Variants in TTN observed in about 807,000 individuals in gnomAD.
TTN encodes connectin.
TTN carries 1,525 observed loss-of-function variants against 3,223.0 expected under a neutral mutation model. The observed-to-expected ratio is 0.47, with a 90% CI of 0.45 to 0.49. The LOEUF is 0.49. Among genes scored for constraint, TTN ranks in the 20% least tolerant of loss-of-function variants. The pLI, the probability that TTN is intolerant of heterozygous loss-of-function variation, is 0.00. For synonymous variants in TTN, 14,094 were observed against 15,161.0 expected (o/e 0.93, Z 5.17); for missense variants, 40,786 against 43,424.0 (o/e 0.94, Z 5.40).
Position 178,739,262 on chromosome 2 carries a change from A to T in TTN, c.13971T>A (p.Asn4657Lys). 6.2e-7 allele frequency: 1 copy of T among 1,610,022 alleles called. No individual in the cohort carries two copies. Among genetic ancestry groups the T allele is most frequent in the Non-Finnish European group, 8.5e-7 (1 of 1,177,068 alleles). The change falls in exon 48 of 363, where the codon AAT (asparagine) becomes AAA (lysine). Residue 4657 changes from asparagine (N) to lysine (K), a missense_variant. Physicochemically the swap from Asn to Lys is moderately conservative, Grantham distance 94 (BLOSUM62 0). Coordinates refer to ENST00000589042, the MANE Select transcript of TTN (RefSeq NM_001267550.2). ...CTTTGTCGATGACTAGCGTATATGTATTTTGATCTTGTAAACACTTGAACT... is the reference window on the plus strand; with the variant it reads ...CTTTGTCGATGACTAGCGTATATGTTTTTTGATCTTGTAAACACTTGAACT... Reference protein sequence around the residue: ...DEKFKCLQDQNTYTLVIDKVN... With the variant: ...DEKFKCLQDQKTYTLVIDKVN...
intron 3 of TTN, among the ~76,000 whole-genome samples, chr2:178,801,108 C>T (rs532913838): frequency 6.6e-6 from 1 of 152,272 alleles, no homozygotes; most frequent in East Asian, 1.9e-4. Flanking sequence ...ATGGGTGTAC[C>T]TGTTACTTAA....
intron 43 of TTN, among the ~76,000 whole-genome samples, chr2:178,762,052 G>A (rs1240598164): frequency 6.6e-6 from 1 of 152,114 alleles, no homozygotes; most frequent in Non-Finnish European, 1.5e-5. Flanking sequence ...TCAGGGCCAC[G>A]TTTCATGCTT....
In TTN at chr2:178,552,940, C is replaced by T; in HGVS notation, c.89960G>A (p.Cys29987Tyr). The T allele has an allele frequency of 6.2e-7, 1 of 1,613,552 alleles. No individual in the cohort carries two copies. The highest frequency in any genetic ancestry group is 8.5e-7 in the Non-Finnish European group (1 of 1,179,784). ...TATTAGCTTGAAGGATGTGCTAGAACATTTGTGTGACACGACAGACCATGT... is the reference window on the plus strand; with the variant it reads ...TATTAGCTTGAAGGATGTGCTAGAATATTTGTGTGACACGACAGACCATGT... Reference protein sequence around the residue: ...KRTWSVVSHKCSSTSFKLIDL... With the variant: ...KRTWSVVSHKYSSTSFKLIDL... The change falls in exon 335 of 363, where the codon TGT becomes TAT. Residue 29987 changes from cysteine to tyrosine, a missense_variant. By Grantham distance (194) the Cys-to-Tyr change is radical (BLOSUM62 -2). Transcript: ENST00000589042.
chr2:178,603,883 A>G lies in TTN; in HGVS notation c.54804T>C (p.Asp18268=). The G allele has an allele frequency of 6.3e-7, 1 of 1,582,412 alleles. No individual in the cohort carries two copies. Among genetic ancestry groups the G allele is most frequent in the South Asian group, 1.1e-5 (1 of 87,150 alleles). Residue 18268 remains aspartate (D), a synonymous_variant, in exon 282 of 363, where the codon GAT becomes GAC. Transcript: ENST00000589042. ...SEPSDPEVAG[D]PIFPPGPPSC... ...AAACGGAAGCATACTTACATATGGG[A>G]TCTCCTGCAACCTCTGGATCTGATG...
chr2:178,757,229 A>ACTGTACTTACTTT (rs1398848581), intron 45 of TTN, among the ~76,000 whole-genome samples: 146 of 149,588 alleles, frequency 9.8e-4, no homozygotes, highest in East Asian at 2.6e-3. Context: ...AGTAAGTAAT[A>ACTGTACTTACTTT]ATCAGCAAAT....
chr2:178,755,165 T>C (rs2086576974), intron 46 of TTN, among the ~76,000 whole-genome samples: 1 of 152,078 alleles, frequency 6.6e-6, no homozygotes, highest in African/African-American at 2.4e-5. Flanking sequence ...CTGAAAAATA[T>C]TTTTCTCATT....
rs1314251790 is a variant in TTN at position 178,731,811 on chromosome 2, C to G, written c.17064G>C (p.Gln5688His). ...GGATCTGCAGGCTAACCAGATGATC[C>G]TGAATGAAAGTCTTATACTTTCTAC... ...RSGRKYKTFI[Q>H]DHLVSLQILK... The change falls in exon 58 of 363, where the codon CAG becomes CAC. Residue 5688 changes from glutamine (Q) to histidine (H), a missense_variant. By Grantham distance (24) the Gln-to-His change is conservative (BLOSUM62 0). Transcript: ENST00000589042. 1.2e-6 allele frequency: 2 copies of G among 1,613,756 alleles called. No individual in the cohort carries two copies. Among genetic ancestry groups the G allele is most frequent in the Non-Finnish European group, 1.7e-6 (2 of 1,179,742 alleles).
At position 178,584,754 on chromosome 2, in the gene TTN, C is replaced by G. The variant is rs779232091; in HGVS notation, c.64887G>C (p.Glu21629Asp). ...TTTCAGCACGGACCCGGAAGATGTA[C>G]TCCTGGCCTGGGATCAGCTTTCCAA... ...CRVGKLIPGQ[E>D]YIFRVRAENR... The change falls in exon 310 of 363, where the codon GAG (glutamate) becomes GAC (aspartate). Residue 21629 changes from glutamate to aspartate, a missense_variant. Transcript: ENST00000589042. 1.9e-6 allele frequency: 3 copies of G among 1,613,376 alleles called. No homozygotes were observed. Among genetic ancestry groups the G allele is most frequent in the African/African-American group, 1.3e-5 (1 of 74,898 alleles).
chr2:178,713,702 T>A, intron 92 of TTN, 195 bp downstream of exon 92: 1 of 841,698 alleles, frequency 1.2e-6, no homozygotes, highest in South Asian at 2.2e-5. Flanking sequence ...TGGAAATTCC[T>A]CAAAAAGAAA....
In TTN at chr2:178,602,606, A is replaced by G; in HGVS notation, c.54812-16T>C. ...CCCGGTGGAACTAATAACAAAAGAAAAAAAAAAGCTTCATCAGATTTTGAA... is the reference window on the plus strand; with the variant it reads ...CCCGGTGGAACTAATAACAAAAGAAGAAAAAAAGCTTCATCAGATTTTGAA... On this transcript the variant is annotated splice_polypyrimidine_tract_variant and intron_variant, in intron 282 of 362. Transcript: ENST00000589042. The G allele has an allele frequency of 1.4e-6, 2 of 1,466,966 alleles. No homozygotes were observed. Among genetic ancestry groups the G allele is most frequent in the South Asian group, 1.5e-5 (1 of 67,800 alleles). 90.9% of individuals were successfully genotyped at this position (1,466,966 alleles called of 1,614,324 possible).
Position 178,677,625 on chromosome 2 carries a change from T to A in TTN, c.34287A>T (p.Ala11429=). The A allele has an allele frequency of 6.2e-7, 1 of 1,610,078 alleles. No individual in the cohort carries two copies. The stretch of plus-strand genomic sequence containing the variant: ...TTCCAAGAAGAGCTGCTATACCTGG[T>A]GCAGGTACTGGCACCTTAGGTTTAA... ...PEVKPKVPVP[A]PVPEVPKKPV... Residue 11429 remains alanine (A), a synonymous_variant, in exon 146 of 363, where the codon GCA becomes GCT. Transcript: ENST00000589042.
In TTN at chr2:178,601,728, T is replaced by C. The variant is rs751081323; in HGVS notation, c.55362A>G (p.Thr18454=). Residue 18454 remains threonine, a synonymous_variant, in exon 286 of 363, where the codon ACA becomes ACG. Transcript: ENST00000589042. ...IIIPECKRSH[T]GKYSITAKNK... ...TCTTGGCTGTGATGCTGTATTTGCC[T>C]GTATGAGATCGTTTACACTCCGGAA... 5 of 1,610,210 alleles carry C rather than the reference T, an allele frequency of 3.1e-6. No homozygotes were observed. Among genetic ancestry groups the C allele is most frequent in the Non-Finnish European group, 4.2e-6 (5 of 1,178,662 alleles).
Position 178,617,363 on chromosome 2 carries a change from G to T in TTN, c.47722C>A (p.Arg15908Ser), listed in dbSNP as rs767724702. The T allele has an allele frequency of 5.7e-6, 9 of 1,583,520 alleles. No homozygotes were observed. Among genetic ancestry groups the T allele is most frequent in the African/African-American group, 1.4e-5 (1 of 73,364 alleles). ...TCAGGGACAAGTTTCATATTGCAAC[G>T]AATCCAATTATCTTTTCCTTCTTCG... ...RCEEGKDNWI[R>S]CNMKLVPELT... The change falls in exon 254 of 363, where the codon CGT (arginine) becomes AGT (serine). Residue 15908 changes from arginine (R) to serine (S), a missense_variant. Transcript: ENST00000589042.
At chr2:178,583,432 C>T (rs2048229712) in intron 312 of TTN, 175 bp downstream of exon 312, 1 of 853,638 alleles carries the variant, frequency 1.2e-6, no homozygotes, top group Non-Finnish European at 1.7e-6. Flanking sequence ...GTGTATCTTG[C>T]TTTTTAATTT....
chr2:178,725,183 T>C (rs893391923), intron 71 of TTN, 185 bp downstream of exon 71: 1 of 583,324 alleles, frequency 1.7e-6, no homozygotes, highest in Admixed American at 4.0e-5. Flanking sequence ...ATGTCTAATT[T>C]TTGTTAGAAT....
rs759678711 is a variant in TTN at position 178,738,167 on chromosome 2, G to A, written c.14286C>T (p.Thr4762=). 2 of 1,613,574 alleles carry A rather than the reference G, an allele frequency of 1.2e-6. No homozygotes were observed. Among genetic ancestry groups the A allele is most frequent in the African/African-American group, 2.7e-5 (2 of 74,880 alleles). Residue 4762 remains threonine, a synonymous_variant, in exon 49 of 363, where the codon ACC becomes ACT. Coordinates refer to ENST00000589042, the MANE Select transcript of TTN (RefSeq NM_001267550.2). ...TATACTCGCCGCAGTCAACCACCTG[G>A]GTTCTCAGGATTTCAAGGCTGGAGA... The part of the protein sequence containing the change: ...KYISSLEILR[T]QVVDCGEYTC...
chr2:178,616,064 T>C (rs535159776), intron 257 of TTN, among the ~76,000 whole-genome samples: 2 of 152,062 alleles, frequency 1.3e-5, no homozygotes, highest in East Asian at 3.9e-4. Context: ...TGATTTTAAT[T>C]CAGGGTAAAG....
intron 242 of TTN, among the ~76,000 whole-genome samples, chr2:178,624,195 A>C (rs989297331): frequency 6.6e-6 from 1 of 152,006 alleles, no homozygotes; most frequent in Non-Finnish European, 1.5e-5. Flanking sequence ...CATGTAGACA[A>C]AGAGCACATC....
At position 178,564,574 on chromosome 2, in the gene TTN, A is replaced by C; in HGVS notation, c.81558T>G (p.Asn27186Lys). The change falls in exon 326 of 363, where the codon AAT (asparagine) becomes AAG (lysine). Residue 27186 changes from asparagine to lysine, a missense_variant. Transcript: ENST00000589042. ...RPEAIVITRN[N>K]VTLKWKKPAY... ...CAGGTTTCTTCCATTTCAGTGTGAC[A>C]TTGTTTCTTGTAATAACAATGGCTT... 1.9e-6 allele frequency: 3 copies of C among 1,613,476 alleles called. No individual in the cohort carries two copies. The highest frequency in any genetic ancestry group is 2.5e-6 in the Non-Finnish European group (3 of 1,179,702).
Sources: gnomAD v4.1 joint callset for allele counts (sites outside exome capture counted in the v4.1 genomes callset) on GRCh38, gnomAD v4.1.1 for gene constraint, MANE v1.5 for transcripts, NCBI Gene and HGNC (gene_info 2026-07-23, HGNC 2026-07-21) for gene names.